PLEKHH2: variants seen among roughly 807,000 people sequenced by gnomAD.
PLEKHH2 encodes pleckstrin homology domain-containing family H member 2.
PLEKHH2 carries 129 observed loss-of-function variants against 187.9 expected under a neutral mutation model. The ratio of observed to expected loss-of-function variants is 0.69; its 90% CI spans 0.59 to 0.79. The LOEUF (loss-of-function observed/expected upper bound fraction) is 0.79, where lower values mean the gene tolerates loss of function less well. PLEKHH2 is among the 30% of genes least tolerant of loss of function. The pLI is 0.00. For synonymous variants in PLEKHH2, 686 were observed against 605.6 expected, an observed-to-expected ratio of 1.13 and a Z score of -1.95; for missense variants, 2,076 against 1,751.2, an observed-to-expected ratio of 1.19 and a Z score of -3.31.
rs571566973 is a variant in PLEKHH2, at chr2:43,680,954, A to G, written c.186+2029A>G. ...CACTTTAGTTGCAATTATTTTTACT[A>G]CATACACTGGATTTCTAGTTTCCGT... On this transcript the variant is annotated intron_variant, in intron 3 of 29. Transcript: ENST00000282406. 1.2e-5 allele frequency: 12 copies of G among 974,358 alleles called. No homozygotes were observed. In the South Asian group the frequency reaches 1.6e-4, roughly 13 times the overall value. 60.4% of individuals were successfully genotyped at this position (974,358 alleles called of 1,614,324 possible).
chr2:43,729,729 T>C lies in PLEKHH2; in HGVS notation c.2814T>C (p.Asn938=). ...EFEQLVCKLL[N]IDGEPSSQIW... The stretch of plus-strand genomic sequence containing the variant: ...AACAACTGGTTTGCAAATTGCTAAA[T>C]ATAGACGGGGAGCCTTGTAAGTTCA... Residue 938 remains asparagine (N), a synonymous_variant, in exon 18 of 30, where the codon AAT becomes AAC. Coordinates refer to ENST00000282406, the MANE Select transcript of PLEKHH2 (RefSeq NM_172069.4). The C allele has an allele frequency of 6.2e-7, 1 of 1,600,858 alleles. No homozygotes were observed. Among genetic ancestry groups the C allele is most frequent in the Non-Finnish European group, 8.5e-7 (1 of 1,174,356 alleles).
intron 3 of PLEKHH2, chr2:43,679,491 T>TC: frequency 2.9e-6 from 1 of 345,626 alleles, no homozygotes; most frequent in South Asian, 2.0e-5. Flanking sequence ...AATGATTTTT[T>TC]CCCTTTTTTT....
chr2:43,714,305 CATTTTAAATGAGTATGAGTCG>C (rs1421411594), intron 15 of PLEKHH2, among the ~76,000 whole-genome samples: 3 of 152,196 alleles, frequency 2.0e-5, no homozygotes, highest in Admixed American at 1.3e-4. Flanking sequence ...TTCACAATTG[CATTTTAAATGAGTATGAGTCG>C]ATGGGATTCT....
Position 43,678,918 on chromosome 2 carries a change from T to C in PLEKHH2, c.179T>C (p.Phe60Ser). 5.0e-6 allele frequency: 8 copies of C among 1,608,192 alleles called. No homozygotes were observed. Among genetic ancestry groups the C allele is most frequent in the Non-Finnish European group, 6.8e-6 (8 of 1,175,914 alleles). ...GCTGAACGTCAAGCAGAAAAAGCTT[T>C]TCAACAGGTAGAGTATAATTTTACT... ...IDAERQAEKA[F>S]QQVQVMEDKL... Residue 60 changes from phenylalanine (F) to serine (S), a missense_variant, in exon 3 of 30, where the codon TTT (phenylalanine) becomes TCT (serine). Transcript: ENST00000282406.
At chr2:43,655,395 C>G (rs927697613) in intron 2 of PLEKHH2, among the ~76,000 whole-genome samples, 3 of 152,104 alleles carry the variant, frequency 2.0e-5, no homozygotes, top group African/African-American at 7.2e-5. Context: ...CCAGGAACTG[C>G]TGAAAGTCTT....
At chr2:43,751,107 G>A (rs1572660783) in intron 24 of PLEKHH2, among the ~76,000 whole-genome samples, 1 of 152,202 alleles carries the variant, frequency 6.6e-6, no homozygotes, top group Non-Finnish European at 1.5e-5. Context: ...CACCTCTAGG[G>A]TTGTCTGAAG....
At chr2:43,747,794 G>T (rs1456959598) in intron 24 of PLEKHH2, among the ~76,000 whole-genome samples, 1 of 152,168 alleles carries the variant, frequency 6.6e-6, no homozygotes, top group Non-Finnish European at 1.5e-5. Flanking sequence ...GTGGTACTCA[G>T]AGGTCTCTTT....
intron 10 of PLEKHH2, among the ~76,000 whole-genome samples, chr2:43,706,777 T>G (rs531175319): frequency 2.0e-5 from 3 of 152,206 alleles, no homozygotes; most frequent in Non-Finnish European, 4.4e-5. Context: ...GAAGTATTAA[T>G]TAAAAGAAGG....
intron 14 of PLEKHH2, chr2:43,711,415 GGA>G (rs1197122240): frequency 1.0e-6 from 1 of 982,332 alleles, no homozygotes; most frequent in Non-Finnish European, 1.2e-6. Flanking sequence ...ATTTGAGACT[GGA>G]ACATTCTGAG....
chr2:43,703,795 C>T (rs2195838), intron 8 of PLEKHH2, among the ~76,000 whole-genome samples, 186 bp from the exon 9 acceptor site: 2 of 151,970 alleles, frequency 1.3e-5, no homozygotes, highest in African/African-American at 4.8e-5. Flanking sequence ...GGAGAAAAAT[C>T]TCAACAGTAC....
At chr2:43,736,681 A>T (rs936506578) in intron 19 of PLEKHH2, among the ~76,000 whole-genome samples, 1 of 152,138 alleles carries the variant, frequency 6.6e-6, no homozygotes, top group Non-Finnish European at 1.5e-5. Context: ...TAAAAATAAA[A>T]AAATTAGCGA....
intron 19 of PLEKHH2, among the ~76,000 whole-genome samples, chr2:43,736,232 C>CA (rs745897357): frequency 6.6e-6 from 1 of 152,038 alleles, no homozygotes; most frequent in East Asian, 1.9e-4. Flanking sequence ...ACAAAATAAG[C>CA]AAAAAACAAA....
intron 15 of PLEKHH2, among the ~76,000 whole-genome samples, chr2:43,714,494 G>C (rs1338510933): frequency 6.6e-6 from 1 of 152,146 alleles, no homozygotes; most frequent in Non-Finnish European, 1.5e-5. Flanking sequence ...TCACATTCAG[G>C]CTGCAATATG....
At chr2:43,695,282 C>G in intron 6 of PLEKHH2, 58 bp downstream of exon 6, 1 of 948,644 alleles carries the variant, frequency 1.1e-6, no homozygotes, top group South Asian at 2.8e-5. Context: ...TAGGCTTTTA[C>G]TTTTTTTGAT....
In PLEKHH2 at chr2:43,731,553, C is replaced by G. The variant is rs754614440; in HGVS notation, c.2894C>G (p.Thr965Arg). 1.4e-5 allele frequency: 23 copies of G among 1,606,408 alleles called. No individual in the cohort carries two copies. Among genetic ancestry groups the G allele is most frequent in the Non-Finnish European group, 2.0e-5 (23 of 1,173,476 alleles). ...HSKEGIISPL[T>R]TLPSEALQTE... The stretch of plus-strand genomic sequence containing the variant: ...AAAGAAGGAATCATTTCCCCTCTGA[C>G]AACTCTACCTTCCGAAGCCCTGCAG... The change falls in exon 19 of 30, where the codon ACA becomes AGA. Residue 965 changes from threonine (T) to arginine (R), a missense_variant. Physicochemically the swap from Thr to Arg is moderately conservative, Grantham distance 71. Transcript: ENST00000282406.
At chr2:43,677,187 G>C (rs1237480592) in intron 2 of PLEKHH2, among the ~76,000 whole-genome samples, 2 of 151,194 alleles carry the variant, frequency 1.3e-5, no homozygotes, top group Non-Finnish European at 2.9e-5. Context: ...TATCCAAACT[G>C]ATGATGACTT....
intron 7 of PLEKHH2, among the ~76,000 whole-genome samples, chr2:43,698,082 C>A (rs563211621): frequency 2.0e-5 from 3 of 152,210 alleles, no homozygotes; most frequent in Non-Finnish European, 4.4e-5. Flanking sequence ...TTTTCATCCT[C>A]TCTACTTTCA....
At chr2:43,680,584 G>C (rs1321540192) in intron 3 of PLEKHH2, 1 of 186,990 alleles carries the variant, frequency 5.3e-6, no homozygotes, top group Non-Finnish European at 1.1e-5. Flanking sequence ...TAAGGAGTCT[G>C]GCAACAAGGC....
chr2:43,658,381 G>C (rs1262532689), intron 2 of PLEKHH2, among the ~76,000 whole-genome samples: 3 of 152,150 alleles, frequency 2.0e-5, no homozygotes, highest in African/African-American at 7.2e-5. Flanking sequence ...ATCTGTATTA[G>C]TTATCTATTG....
Sources: allele counts gnomAD v4.1 joint callset (sites outside exome capture counted in the v4.1 genomes callset), GRCh38; gene constraint gnomAD v4.1.1; transcripts MANE v1.5; gene names NCBI Gene and HGNC (gene_info 2026-07-23, HGNC 2026-07-21).